The following IQSEC2 variants were observed in gnomAD, a reference collection of about 807,000 sequenced individuals.
The protein encoded by IQSEC2 is IQ motif and SEC7 domain-containing protein 2.
In IQSEC2, 6 loss-of-function variants were observed where a neutral mutation model predicts 74.6. The ratio of observed to expected loss-of-function variants is 0.08; its 90% CI spans 0.04 to 0.16. The LOEUF is 0.16. Among genes scored for constraint, IQSEC2 ranks in the 10% least tolerant of loss-of-function variants. IQSEC2 has a pLI of 1.00. For missense variants in IQSEC2, 734 were observed against 1,306.2 expected (o/e 0.56, Z 6.75); for synonymous variants, 494 against 544.5 (o/e 0.91, Z 1.29).
chrX:53,299,045 G>A (rs2075183379), intron 1 of IQSEC2, among the ~76,000 whole-genome samples: 1 of 110,147 alleles, frequency 9.1e-6, no homozygotes, highest in South Asian at 3.8e-4. Context: ...CATATGCTGA[G>A]GTTTATTTCT....
intron 1 of IQSEC2, among the ~76,000 whole-genome samples, chrX:53,310,969 A>T (rs1556877867): frequency 1.9e-5 from 2 of 105,186 alleles, no homozygotes; most frequent in Non-Finnish European, 3.9e-5. Context: ...AAAAATACAA[A>T]ATTAGCTGGG....
At chrX:53,313,080 AGGG>A (rs1360816739) in intron 1 of IQSEC2, among the ~76,000 whole-genome samples, 1 of 112,283 alleles carries the variant, frequency 8.9e-6, no homozygotes, top group Non-Finnish European at 1.9e-5. Context: ...TTGTTTTGAA[AGGG>A]ATGCGATGCA....
chrX:53,247,817 G>A (rs1187246464), intron 7 of IQSEC2, among the ~76,000 whole-genome samples: 6 of 112,043 alleles, frequency 5.4e-5, no homozygotes, highest in South Asian at 3.7e-4. Flanking sequence ...GTGATTATTC[G>A]GTGAAATAAT....
Position 53,320,769 on chromosome X carries a change from G to A in IQSEC2, c.355C>T (p.Arg119Trp). The change falls in exon 1 of 15, where the codon CGG (arginine) becomes TGG (tryptophan). Residue 119 changes from arginine to tryptophan, a missense_variant. Around this residue, in one of 12 missense-constraint regions of IQSEC2, gnomAD observed 134 missense variants for 214.9 expected, o/e 0.62. Transcript: ENST00000642864. ...QAARDVGYPNREGAYQNREAV... is the reference protein window; with the variant it reads ...QAARDVGYPNWEGAYQNREAV... ...TCCCGATTCTGGTAGGCGCCTTCCC[G>A]GTTCGGGTAGCCCACGTCCCGGGCC... 2 of 1,167,226 alleles carry A rather than the reference G, an allele frequency of 1.7e-6. No individual in the cohort carries two copies. Among genetic ancestry groups the A allele is most frequent in the Non-Finnish European group, 1.1e-6 (1 of 872,615 alleles).
chrX:53,261,492 GCACACACACACA>G (rs3045180), intron 2 of IQSEC2, among the ~76,000 whole-genome samples: 1 of 100,669 alleles, frequency 9.9e-6, no homozygotes, highest in African/African-American at 3.6e-5. Context: ...ATCTGCATGT[GCACACACACACA>G]CACACACACA....
Position 53,250,978 on chromosome X carries a change from G to C in IQSEC2, c.1598C>G (p.Pro533Arg), listed in dbSNP as rs1556863462. 8.3e-7 allele frequency: 1 copy of C among 1,212,093 alleles called. No individual in the cohort carries two copies. Among genetic ancestry groups the C allele is most frequent in the African/African-American group, 1.7e-5 (1 of 57,898 alleles). Residue 533 changes from proline to arginine, a missense_variant, in exon 5 of 15, where the codon CCC becomes CGC. This residue lies in a region of IQSEC2 where 204 missense variants were observed against 305.4 expected (regional missense o/e 0.67). Coordinates refer to ENST00000642864, the MANE Select transcript of IQSEC2 (RefSeq NM_001111125.3). ...TVPQQSPERL[P>R]STEPPPQGRP... ...GCCCTGGGGTGGGGGTTCTGTGCTGGGCAGTCGCTCAGGGGATTGTTGGGG... is the reference window on the plus strand; with the variant it reads ...GCCCTGGGGTGGGGGTTCTGTGCTGCGCAGTCGCTCAGGGGATTGTTGGGG...
intron 2 of IQSEC2, chrX:53,279,688 CAG>C (rs781918769): frequency 2.8e-5 from 27 of 970,099 alleles, no homozygotes; most frequent in African/African-American, 9.9e-5. Flanking sequence ...CAGAGAGAGA[CAG>C]AGAGAGAGAC....
Position 53,254,875 on chromosome X carries a change from C to T in IQSEC2, c.1056G>A (p.Arg352=). 1 of 1,209,672 alleles carries T rather than the reference C, an allele frequency of 8.3e-7. No individual in the cohort carries two copies. Among genetic ancestry groups the T allele is most frequent in the South Asian group, 1.8e-5 (1 of 56,561 alleles). ...GGSFLSRRAA[R]TIQTAFRQYR... is the part of the protein sequence containing the mutation. ...ACTGGCGGAAGGCTGTCTGGATGGT[C>T]CTGGCAGCCCTGCGGCTCAGGAAGG... Residue 352 remains arginine (R), a synonymous_variant, in exon 4 of 15, where the codon AGG becomes AGA. Transcript: ENST00000642864.
intron 2 of IQSEC2, chrX:53,279,159 C>T (rs894410040): frequency 2.5e-5 from 3 of 120,209 alleles, no homozygotes; most frequent in Non-Finnish European, 5.1e-5. Flanking sequence ...CTAGTCTGGG[C>T]GACAGAGCAA....
chrX:53,234,596 G>A lies in IQSEC2; in HGVS notation c.4090C>T (p.Pro1364Ser). ...CTGTACAGGGGCAGTGGGGATGTGG[G>A]CTGGTGCAGGGGGTGGCGGCCATGT... ...APHGRHPLHQ[P>S]TSPLPLYSPA... Residue 1364 changes from proline to serine, a missense_variant, in exon 15 of 15, where the codon CCC becomes TCC. This residue lies in a region of IQSEC2 where 249 missense variants were observed against 467.9 expected (regional missense o/e 0.53). Transcript: ENST00000642864. 1.8e-6 allele frequency: 2 copies of A among 1,128,982 alleles called. No individual in the cohort carries two copies. Among genetic ancestry groups the A allele is most frequent in the Non-Finnish European group, 2.3e-6 (2 of 853,591 alleles). The allele number at this position is 1,128,982 out of a possible 1,213,427, so 93.0% of individuals were successfully genotyped here.
At chrX:53,236,284 G>C in intron 13 of IQSEC2, 38 bp downstream of exon 13, 2 of 1,183,265 alleles carry the variant, frequency 1.7e-6, no homozygotes, top group South Asian at 3.7e-5. Flanking sequence ...ACCCGGTCCC[G>C]TGTCTCCCCA....
At chrX:53,283,445 G>A (rs2074995782) in intron 2 of IQSEC2, among the ~76,000 whole-genome samples, 1 of 111,773 alleles carries the variant, frequency 8.9e-6, no homozygotes, top group African/African-American at 3.3e-5. Context: ...GTTCTTGTAG[G>A]GATTTGGTAG....
intron 1 of IQSEC2, among the ~76,000 whole-genome samples, chrX:53,304,060 G>C (rs950447345): frequency 9.1e-6 from 1 of 109,302 alleles, no homozygotes; most frequent in Non-Finnish European, 1.9e-5. Context: ...GTTTGAATCC[G>C]GGAGGTGGAG....
At chrX:53,239,049 C>T in intron 11 of IQSEC2, 146 bp downstream of exon 11, 3 of 496,444 alleles carry the variant, frequency 6.0e-6, no homozygotes. Flanking sequence ...CCCTGGCCTG[C>T]CCCTCATCCT....
intron 1 of IQSEC2, among the ~76,000 whole-genome samples, chrX:53,301,839 C>T (rs2075213474): frequency 8.9e-6 from 1 of 112,389 alleles, no homozygotes; most frequent in Non-Finnish European, 1.9e-5. Flanking sequence ...CATTCATTTG[C>T]TGTGCAACCC....
intron 2 of IQSEC2, among the ~76,000 whole-genome samples, chrX:53,285,830 C>T (rs2147280094): frequency 8.9e-6 from 1 of 112,834 alleles, no homozygotes; most frequent in South Asian, 3.6e-4. Context: ...GAGGTCAGGG[C>T]CAAGGCCAGA....
At chrX:53,279,602 G>T in intron 2 of IQSEC2, 1 of 1,204,036 alleles carries the variant, frequency 8.3e-7, no homozygotes, top group Non-Finnish European at 1.1e-6. Flanking sequence ...TAAGCTTCAT[G>T]GAGTCAAGGA....
At chrX:53,241,499 G>A (rs2074220672) in intron 10 of IQSEC2, among the ~76,000 whole-genome samples, 1 of 111,724 alleles carries the variant, frequency 9.0e-6, no homozygotes, top group African/African-American at 3.3e-5. Context: ...GGCTATTGAG[G>A]TGGACAGGGA....
chrX:53,244,174 C>T (rs961039985), intron 8 of IQSEC2, among the ~76,000 whole-genome samples: 9 of 106,649 alleles, frequency 8.4e-5, no homozygotes, highest in Non-Finnish European at 1.5e-4. Flanking sequence ...CAAGATCGCG[C>T]CACTGCACTC....
Sources: gnomAD v4.1 joint callset for allele counts (sites outside exome capture counted in the v4.1 genomes callset) on GRCh38, gnomAD v4.1.1 for gene constraint, gnomAD v4.1.1 regional missense constraint, MANE v1.5 for transcripts, NCBI Gene and HGNC (gene_info 2026-07-23, HGNC 2026-07-21) for gene names.